Variants in CTNND2 observed in about 807,000 individuals in gnomAD.
CTNND2 encodes the protein catenin delta-2.
CTNND2 carries 22 observed loss-of-function variants against 144.4 expected under a neutral mutation model. That is an observed-to-expected ratio of 0.15 (90% CI 0.11 to 0.22). The LOEUF (loss-of-function observed/expected upper bound fraction) is 0.22. CTNND2 is among the 10% of genes least tolerant of loss of function. CTNND2 has a pLI of 1.00. For missense variants in CTNND2, 1,353 were observed against 1,618.8 expected (o/e 0.84, Z 2.82); for synonymous variants, 751 against 695.6 (o/e 1.08, Z -1.25).
chr5:11,630,968 T>A (rs1781384961), intron 2 of CTNND2, among the ~76,000 whole-genome samples: 1 of 149,648 alleles, frequency 6.7e-6, no homozygotes, highest in Non-Finnish European at 1.5e-5. Context: ...AAAAAAAAAA[T>A]ACATAAACAA....
At chr5:11,484,873 A>G (rs1382829340) in intron 3 of CTNND2, among the ~76,000 whole-genome samples, 1 of 152,240 alleles carries the variant, frequency 6.6e-6, no homozygotes, top group African/African-American at 2.4e-5. Context: ...CTTGACCGTC[A>G]TGAAGGGTAG....
In CTNND2 at chr5:11,765,668, G is replaced by A. The variant is rs139380097; in HGVS notation, c.38-33396C>T. Among the ~76,000 whole-genome samples, 222 of 152,230 alleles carry A rather than the reference G, an allele frequency of 1.5e-3. 1 individual carries two copies. Among genetic ancestry groups the A allele is most frequent in the African/African-American group, 5.1e-3 (211 of 41,536 alleles). ...CGGCAGAGCTATTATAAGGCTCTTG[G>A]GGTCGTCTGTGTATGCAACAAGCTC... On this transcript the variant is annotated intron_variant, in intron 1 of 21. Transcript: ENST00000304623.
chr5:11,586,800 G>T (rs1416713163), intron 2 of CTNND2, among the ~76,000 whole-genome samples: 1 of 152,048 alleles, frequency 6.6e-6, no homozygotes, highest in Non-Finnish European at 1.5e-5. Flanking sequence ...AAACACCCCA[G>T]AAAAGATTTT....
chr5:11,818,523 A>T (rs1029951382), intron 1 of CTNND2, among the ~76,000 whole-genome samples: 1 of 151,934 alleles, frequency 6.6e-6, no homozygotes, highest in Non-Finnish European at 1.5e-5. Context: ...TGCCACCACC[A>T]TGCCCAGCTA....
At chr5:11,084,760 G>C (rs1174541321) in intron 15 of CTNND2, among the ~76,000 whole-genome samples, 1 of 152,032 alleles carries the variant, frequency 6.6e-6, no homozygotes, top group Non-Finnish European at 1.5e-5. Flanking sequence ...TCTAATTCTT[G>C]AAACTCCAGG....
intron 8 of CTNND2, chr5:11,364,473 A>G (rs1756771639): frequency 4.8e-6 from 2 of 417,046 alleles, no homozygotes; most frequent in Non-Finnish European, 8.3e-6. Flanking sequence ...TGAGCTTACA[A>G]TCGCCATTTG....
chr5:11,406,742 A>G (rs1761130948), intron 5 of CTNND2, among the ~76,000 whole-genome samples: 2 of 152,042 alleles, frequency 1.3e-5, no homozygotes, highest in Non-Finnish European at 2.9e-5. Flanking sequence ...TTTTAATTCC[A>G]CCTGCTTAGA....
intron 14 of CTNND2, among the ~76,000 whole-genome samples, chr5:11,109,882 T>C (rs1382939178): frequency 6.6e-6 from 1 of 152,252 alleles, no homozygotes; most frequent in African/African-American, 2.4e-5. Flanking sequence ...AATAGCATTT[T>C]GTATTTGCAT....
chr5:11,187,018 A>G (rs868782944), intron 11 of CTNND2, among the ~76,000 whole-genome samples: 2 of 152,190 alleles, frequency 1.3e-5, no homozygotes, highest in African/African-American at 4.8e-5. Flanking sequence ...GGTCCACAAG[A>G]AAGAAATGCA....
At chr5:11,287,118 A>C (rs1301499036) in intron 9 of CTNND2, among the ~76,000 whole-genome samples, 1 of 152,244 alleles carries the variant, frequency 6.6e-6, no homozygotes, top group East Asian at 1.9e-4. Flanking sequence ...GTGACAAATA[A>C]TTTTATGTGT....
At chr5:11,486,605 C>A (rs1246072484) in intron 3 of CTNND2, among the ~76,000 whole-genome samples, 1 of 151,364 alleles carries the variant, frequency 6.6e-6, no homozygotes, top group Non-Finnish European at 1.5e-5. Context: ...AGGAGGGAAT[C>A]CAGGAGGAAT....
chr5:11,293,682 G>A (rs1475320144), intron 9 of CTNND2, among the ~76,000 whole-genome samples: 3 of 150,828 alleles, frequency 2.0e-5, no homozygotes, highest in South Asian at 4.2e-4. Flanking sequence ...CAACAGCCCC[G>A]ACATTCCTTT....
chr5:11,491,603 A>G (rs1769395889), intron 3 of CTNND2, among the ~76,000 whole-genome samples: 1 of 152,212 alleles, frequency 6.6e-6, no homozygotes, highest in Non-Finnish European at 1.5e-5. Context: ...AGAAATGCAA[A>G]GCATCTCATA....
At chr5:10,992,083 A>T (rs1282985181) in intron 19 of CTNND2, among the ~76,000 whole-genome samples, 1 of 152,022 alleles carries the variant, frequency 6.6e-6, no homozygotes, top group Non-Finnish European at 1.5e-5. Context: ...AAGCCCGGCT[A>T]ATTTTTGTAT....
intron 6 of CTNND2, among the ~76,000 whole-genome samples, chr5:11,394,809 A>G (rs1047513353): frequency 1.3e-5 from 2 of 152,322 alleles, no homozygotes; most frequent in East Asian, 1.9e-4. Context: ...TGAAATTAGA[A>G]TCTTTGAGCA....
intron 2 of CTNND2, among the ~76,000 whole-genome samples, chr5:11,719,833 T>TACATACAC (rs1554109668): frequency 2.1e-5 from 3 of 142,002 alleles, no homozygotes; most frequent in Non-Finnish European, 3.1e-5. Flanking sequence ...CTCTGACATA[T>TACATACAC]ACACACACAC....
intron 3 of CTNND2, among the ~76,000 whole-genome samples, chr5:11,437,338 T>C (rs764479633): frequency 6.6e-6 from 1 of 152,200 alleles, no homozygotes; most frequent in Non-Finnish European, 1.5e-5. Flanking sequence ...TGTCATCATC[T>C]TTATGTGCCT....
At chr5:11,105,907 G>A (rs190489906) in intron 14 of CTNND2, among the ~76,000 whole-genome samples, 84 of 152,270 alleles carry the variant, frequency 5.5e-4, no homozygotes, top group Non-Finnish European at 8.2e-4. Flanking sequence ...AGGAACGGGC[G>A]GCAGCTGAAA....
chr5:11,396,678 G>C lies in CTNND2; in HGVS notation c.612+353C>G, dbSNP rs61749786. Among the ~76,000 whole-genome samples the C allele has an allele frequency of 5.6e-3, 850 of 151,866 alleles. 6 individuals are homozygous for C. The highest frequency in any genetic ancestry group is 0.019 in the African/African-American group (789 of 41,392). On this transcript the variant is annotated intron_variant, in intron 6 of 21. Coordinates refer to ENST00000304623, the MANE Select transcript of CTNND2 (RefSeq NM_001332.4). The stretch of plus-strand genomic sequence containing the variant: ...AGACACAATACTCAGTATTTTTTCC[G>C]AGTACACTCACAAATTCAGAATGTA...
Sources: gnomAD v4.1 joint callset for allele counts (sites outside exome capture counted in the v4.1 genomes callset) on GRCh38, gnomAD v4.1.1 for gene constraint, MANE v1.5 for transcripts, NCBI Gene and HGNC (gene_info 2026-07-23, HGNC 2026-07-21) for gene names.